Variants in RPS6KA2 observed in about 807,000 individuals in gnomAD.
RPS6KA2 encodes ribosomal protein S6 kinase alpha-2.
RPS6KA2 carries 42 observed loss-of-function variants against 91.8 expected under a neutral mutation model. The observed-to-expected ratio is 0.46, with a 90% CI of 0.36 to 0.59. The LOEUF (loss-of-function observed/expected upper bound fraction) is 0.59, where lower values mean the gene tolerates loss of function less well. RPS6KA2 is among the 20% of genes least tolerant of loss of function. RPS6KA2 has a pLI of 0.00. For missense variants in RPS6KA2, 798 were observed against 978.5 expected, an observed-to-expected ratio of 0.82 and a Z score of 2.46; for synonymous variants, 414 against 393.6, an observed-to-expected ratio of 1.05 and a Z score of -0.61.
At chr6:166,415,390 A>G (rs1778464366) in intron 19 of RPS6KA2, among the ~76,000 whole-genome samples, 1 of 152,214 alleles carries the variant, frequency 6.6e-6, no homozygotes, top group Non-Finnish European at 1.5e-5. Context: ...GGAGAAAGAC[A>G]TACTAATTTG....
At chr6:166,779,847 C>A (rs1778721602) in intron 2 of RPS6KA2, among the ~76,000 whole-genome samples, 1 of 152,160 alleles carries the variant, frequency 6.6e-6, no homozygotes, top group African/African-American at 2.4e-5. Context: ...TTGCCGACGG[C>A]TGCTGGAAAA....
At chr6:166,723,576 G>A (rs1790245344) in intron 2 of RPS6KA2, among the ~76,000 whole-genome samples, 1 of 152,162 alleles carries the variant, frequency 6.6e-6, no homozygotes, top group South Asian at 2.1e-4. Context: ...ACAAACAGAA[G>A]CGAGGGCACT....
intron 3 of RPS6KA2, among the ~76,000 whole-genome samples, chr6:166,516,697 C>T (rs930333084): frequency 5.3e-5 from 8 of 152,182 alleles, no homozygotes; most frequent in Non-Finnish European, 8.8e-5. Context: ...ACACTGTGCC[C>T]TTTATCTCAG....
intron 11 of RPS6KA2, among the ~76,000 whole-genome samples, chr6:166,467,759 G>A (rs1402175262): frequency 6.6e-6 from 1 of 152,232 alleles, no homozygotes; most frequent in African/African-American, 2.4e-5. Flanking sequence ...GTGTCCTCCT[G>A]TGACATGTGC....
intron 2 of RPS6KA2, among the ~76,000 whole-genome samples, chr6:166,655,120 T>C (rs1172667494): frequency 6.6e-6 from 1 of 152,240 alleles, no homozygotes; most frequent in Non-Finnish European, 1.5e-5. Flanking sequence ...ACAGAAGTTC[T>C]CATTTTTGTT....
At chr6:166,608,443 G>A (rs1054201762) in intron 1 of RPS6KA2, among the ~76,000 whole-genome samples, 1 of 151,868 alleles carries the variant, frequency 6.6e-6, no homozygotes. Context: ...CATCTAACCT[G>A]ACTCAACAAT....
At chr6:166,702,042 T>A in intron 2 of RPS6KA2, 2 of 1,102,924 alleles carry the variant, frequency 1.8e-6, no homozygotes, top group South Asian at 2.5e-5. Context: ...TTACGCATAA[T>A]CTCCAGAATA....
chr6:166,560,881 A>G (rs1035623979), intron 1 of RPS6KA2, among the ~76,000 whole-genome samples: 3 of 151,778 alleles, frequency 2.0e-5, no homozygotes, highest in Non-Finnish European at 4.4e-5. Flanking sequence ...ACTTATTCTC[A>G]TGCAAGTGGC....
intron 2 of RPS6KA2, among the ~76,000 whole-genome samples, chr6:166,756,908 G>A (rs1405154056): frequency 2.6e-5 from 4 of 152,144 alleles, no homozygotes; most frequent in African/African-American, 9.7e-5. Context: ...AGGGTGGGAG[G>A]AATGAGGAGT....
intron 2 of RPS6KA2, among the ~76,000 whole-genome samples, chr6:166,788,376 C>T (rs1053219711): frequency 1.3e-5 from 2 of 152,172 alleles, no homozygotes; most frequent in Admixed American, 6.5e-5. Flanking sequence ...ACTATAAAGA[C>T]ACATGCACAC....
intron 2 of RPS6KA2, among the ~76,000 whole-genome samples, chr6:166,776,667 G>A (rs535592837): frequency 6.6e-6 from 1 of 152,202 alleles, no homozygotes; most frequent in Non-Finnish European, 1.5e-5. Flanking sequence ...ACAGCGTGGG[G>A]TCTTCTGGGT....
At chr6:166,571,378 TA>T (rs1784681955) in intron 1 of RPS6KA2, among the ~76,000 whole-genome samples, 1 of 152,108 alleles carries the variant, frequency 6.6e-6, no homozygotes, top group African/African-American at 2.4e-5. Flanking sequence ...GAACTCACCC[TA>T]AAAGCAACAG....
chr6:166,734,083 A>G (rs1211430734), intron 2 of RPS6KA2, among the ~76,000 whole-genome samples: 1 of 152,148 alleles, frequency 6.6e-6, no homozygotes, highest in Non-Finnish European at 1.5e-5. Flanking sequence ...CAACAATAGG[A>G]TATGAGATCA....
At chr6:166,756,778 G>A (rs1404860604) in intron 2 of RPS6KA2, among the ~76,000 whole-genome samples, 4 of 152,018 alleles carry the variant, frequency 2.6e-5, no homozygotes, top group African/African-American at 4.8e-5. Context: ...CCCGGGAGGC[G>A]GAGGTTGTGG....
At position 166,606,829 on chromosome 6, in the gene RPS6KA2, A is replaced by G. The variant is rs116099881; in HGVS notation, c.99+20092T>C. Reference sequence around the variant, plus strand: ...CAGGATGGCTGTATTCAAAAGGTGAACAATAACAAGTGGGGAAAAAATGGA... The same window carrying G: ...CAGGATGGCTGTATTCAAAAGGTGAGCAATAACAAGTGGGGAAAAAATGGA... On this transcript the variant is annotated intron_variant, in intron 1 of 20. Transcript: ENST00000265678. Among the ~76,000 whole-genome samples, 1,135 of 152,314 alleles carry G rather than the reference A, an allele frequency of 7.5e-3. 22 individuals carry two copies. The highest frequency in any genetic ancestry group is 0.026 in the African/African-American group (1,086 of 41,568).
At chr6:166,504,135 G>A (rs1295486812) in intron 6 of RPS6KA2, among the ~76,000 whole-genome samples, 1 of 152,224 alleles carries the variant, frequency 6.6e-6, no homozygotes, top group East Asian at 1.9e-4. Context: ...GTTTGAGATG[G>A]TCCCCAGTGG....
intron 1 of RPS6KA2, among the ~76,000 whole-genome samples, chr6:166,546,857 G>A (rs950411132): frequency 6.6e-6 from 1 of 152,200 alleles, no homozygotes; most frequent in African/African-American, 2.4e-5. Context: ...AAAATGCTGA[G>A]TCAACTAGGA....
intron 2 of RPS6KA2, among the ~76,000 whole-genome samples, chr6:166,636,581 C>T (rs1010929190): frequency 6.6e-6 from 1 of 152,184 alleles, no homozygotes; most frequent in African/African-American, 2.4e-5. Flanking sequence ...TCTCCTTCAT[C>T]CTTTTCACCT....
intron 3 of RPS6KA2, among the ~76,000 whole-genome samples, chr6:166,523,972 C>T (rs981418918): frequency 1.3e-5 from 2 of 152,168 alleles, no homozygotes; most frequent in Non-Finnish European, 2.9e-5. Flanking sequence ...TCTTACAGGA[C>T]GTGCTCCACT....
Sources: gnomAD v4.1 joint callset for allele counts (sites outside exome capture counted in the v4.1 genomes callset) on GRCh38, gnomAD v4.1.1 for gene constraint, MANE v1.5 for transcripts, NCBI Gene and HGNC (gene_info 2026-07-23, HGNC 2026-07-21) for gene names.